Variants in PGAP4 observed in about 807,000 individuals in gnomAD.
PGAP4 encodes the protein post-GPI attachment to proteins GalNAc transferase 4.
Under a neutral mutation model 28.2 loss-of-function variants are expected in PGAP4, and 12 were observed. The observed-to-expected ratio is 0.42, with a 90% CI of 0.27 to 0.69. The LOEUF is 0.69. Among genes scored for constraint, PGAP4 ranks in the 30% least tolerant of loss-of-function variants. The probability of loss-of-function intolerance (pLI) is 0.22; values close to 1 mark genes in which losing one functional copy is unlikely to be tolerated. For missense variants in PGAP4, 425 were observed against 513.5 expected, an observed-to-expected ratio of 0.83 and a Z score of 1.67; for synonymous variants, 205 against 211.8, an observed-to-expected ratio of 0.97 and a Z score of 0.28.
At chr9:101,501,861 T>G (rs1274087593) in intron 2 of PGAP4, 1 of 466,174 alleles carries the variant, frequency 2.1e-6, no homozygotes, top group Non-Finnish European at 4.3e-6. Context: ...GTTCAGATCC[T>G]CTGACTGATG....
upstream of PGAP4, among the ~76,000 whole-genome samples, chr9:101,490,986 G>A (rs903480280): frequency 6.6e-6 from 1 of 152,174 alleles, no homozygotes; most frequent in African/African-American, 2.4e-5. Context: ...TTCTCATGGT[G>A]CTGTCTCACA....
chr9:101,475,815 A>C lies in PGAP4; in HGVS notation c.*66T>G. 6.7e-7 allele frequency: 1 copy of C among 1,500,164 alleles called. No individual in the cohort carries two copies. The highest frequency in any genetic ancestry group is 9.1e-7 in the Non-Finnish European group (1 of 1,100,946). The allele number at this position is 1,500,164 out of a possible 1,614,324, so 92.9% of individuals were successfully genotyped here. ...GAAATACCTGCAGGCAACCATGTCTAAATAAAGAGATAAATATTTGAATCT... is the reference window on the plus strand; with the variant it reads ...GAAATACCTGCAGGCAACCATGTCTCAATAAAGAGATAAATATTTGAATCT... On this transcript the variant is annotated 3_prime_UTR_variant, in exon 2 of 2. Transcript: ENST00000374848.
chr9:101,517,901 T>C (rs1330786597), intron 2 of PGAP4, among the ~76,000 whole-genome samples: 2 of 152,142 alleles, frequency 1.3e-5, no homozygotes, highest in African/African-American at 4.8e-5. Flanking sequence ...AACTTTTATT[T>C]TAGATTCAAG....
rs756728226 is a variant in PGAP4 at position 101,476,789 on chromosome 9, G to C, written c.304C>G (p.Leu102Val). ...TCCACAGTGATGATGGTGATCACCA[G>C]CCAGGGCCGGGGGGTGGCCTGCCAG... is the stretch of plus-strand genomic sequence containing the variant. ...IVWQATPRPW[L>V]VITIITVDRQ... is the part of the protein sequence containing the mutation. The change falls in exon 2 of 2, where the codon CTG becomes GTG. Residue 102 changes from leucine to valine, a missense_variant. Physicochemically the swap from Leu to Val is conservative, Grantham distance 32. Coordinates refer to ENST00000374848, the MANE Select transcript of PGAP4 (RefSeq NM_032342.3). This position sits in a 1 kb window ranked among gnomAD's most constrained non-coding sequence, Gnocchi z 7.0. 5 of 1,612,294 alleles carry C rather than the reference G, an allele frequency of 3.1e-6. No individual in the cohort carries two copies. Among genetic ancestry groups the C allele is most frequent in the Non-Finnish European group, 4.2e-6 (5 of 1,178,898 alleles).
intron 1 of PGAP4, among the ~76,000 whole-genome samples, chr9:101,483,082 T>C (rs563917765): frequency 1.3e-5 from 2 of 152,248 alleles, no homozygotes; most frequent in South Asian, 4.1e-4. Context: ...GCCTTGTTTA[T>C]GGTCCTTGAC....
intron 2 of PGAP4, among the ~76,000 whole-genome samples, chr9:101,509,939 C>T (rs183257040): frequency 2.0e-5 from 3 of 152,266 alleles, no homozygotes; most frequent in Admixed American, 2.0e-4. Flanking sequence ...CGTTCAAAGA[C>T]TTGAATAGTT....
At chr9:101,496,415 G>T (rs1826748603) in intron 2 of PGAP4, among the ~76,000 whole-genome samples, 1 of 151,390 alleles carries the variant, frequency 6.6e-6, no homozygotes, top group Non-Finnish European at 1.5e-5. Flanking sequence ...ATATATTTTA[G>T]AATTAAAAAT....
intron 2 of PGAP4, chr9:101,531,212 A>ACG (rs1554711057): frequency 1.3e-5 from 2 of 151,532 alleles, no homozygotes; most frequent in Non-Finnish European, 2.9e-5. Flanking sequence ...ACACACACAC[A>ACG]CACACACACA....
rs964963937 is a variant in PGAP4 at position 101,473,718 on chromosome 9, G to C, written c.*2163C>G. ...TAAACCAGCAGTGCTTCCCTATCTTGGGCCTGGCTAGCTTAAAGGGGCTCT... is the reference window on the plus strand; with the variant it reads ...TAAACCAGCAGTGCTTCCCTATCTTCGGCCTGGCTAGCTTAAAGGGGCTCT... On this transcript the variant is annotated 3_prime_UTR_variant, in exon 2 of 2. Transcript: ENST00000374848. 1 of 152,238 alleles carries C rather than the reference G, an allele frequency of 6.6e-6. No homozygotes were observed. Among genetic ancestry groups the C allele is most frequent in the African/African-American group, 2.4e-5 (1 of 41,438 alleles). The allele number at this position is 152,238 out of a possible 1,614,324, so 9.4% of individuals were successfully genotyped here. A position where few individuals can be genotyped will look rare whatever the true frequency, so the allele number is the denominator to read the frequency against.
chr9:101,492,106 TAA>T (rs1162174357), upstream of PGAP4, among the ~76,000 whole-genome samples: 10 of 152,104 alleles, frequency 6.6e-5, no homozygotes, highest in Non-Finnish European at 1.5e-5. Flanking sequence ...TTTAGTTGTA[TAA>T]GTTTTTGTTT....
intron 2 of PGAP4, among the ~76,000 whole-genome samples, chr9:101,510,841 C>T (rs760420993): frequency 5.3e-5 from 8 of 152,140 alleles, no homozygotes; most frequent in Non-Finnish European, 8.8e-5. Flanking sequence ...TAAAGCCTGC[C>T]ACCAGATGCA....
chr9:101,483,657 T>C (rs992886750), intron 1 of PGAP4, among the ~76,000 whole-genome samples: 33 of 152,212 alleles, frequency 2.2e-4, no homozygotes, highest in Admixed American at 7.2e-4. Flanking sequence ...ACTATATATA[T>C]GCATTACATA....
intron 1 of PGAP4, among the ~76,000 whole-genome samples, chr9:101,484,229 A>C (rs1214222756): frequency 6.6e-6 from 1 of 152,062 alleles, no homozygotes; most frequent in African/African-American, 2.4e-5. Flanking sequence ...AAAGGGAAGA[A>C]AGGAAGGAAG....
chr9:101,497,565 ATG>A (rs1004946433), intron 2 of PGAP4, among the ~76,000 whole-genome samples: 6 of 151,566 alleles, frequency 4.0e-5, no homozygotes, highest in African/African-American at 1.2e-4. Flanking sequence ...ATAAACATAT[ATG>A]TGTGTGTGTG....
chr9:101,477,924 G>T (rs973340010), intron 1 of PGAP4, among the ~76,000 whole-genome samples: 1 of 152,050 alleles, frequency 6.6e-6, no homozygotes, highest in Non-Finnish European at 1.5e-5. Flanking sequence ...AGGGAGCGGG[G>T]GGGGAAAGGC....
intron 2 of PGAP4, among the ~76,000 whole-genome samples, chr9:101,520,977 A>G (rs550093249): frequency 6.6e-6 from 1 of 152,260 alleles, no homozygotes; most frequent in African/African-American, 2.4e-5. Flanking sequence ...TGAGATGATC[A>G]TGTGATTTTT....
upstream of PGAP4, among the ~76,000 whole-genome samples, chr9:101,488,273 G>T (rs1052623220): frequency 6.6e-6 from 1 of 152,178 alleles, no homozygotes; most frequent in Non-Finnish European, 1.5e-5. Context: ...TCTGAGGCTG[G>T]AAAGTATGAG....
At chr9:101,525,685 G>A (rs539415062) in intron 2 of PGAP4, among the ~76,000 whole-genome samples, 5 of 134,046 alleles carry the variant, frequency 3.7e-5, no homozygotes, top group African/African-American at 1.4e-4. Context: ...TCCAGCCTCG[G>A]CAACAGAGCG....
chr9:101,494,360 T>C (rs1007229956), intron 2 of PGAP4, among the ~76,000 whole-genome samples: 1 of 151,934 alleles, frequency 6.6e-6, no homozygotes, highest in African/African-American at 2.4e-5. Flanking sequence ...AAGTAAATGT[T>C]TTCATCTTTG....
Sources: gnomAD v4.1 joint callset for allele counts (sites outside exome capture counted in the v4.1 genomes callset) on GRCh38, gnomAD v4.1.1 for gene constraint, Gnocchi (gnomAD v3.1) non-coding constraint, MANE v1.5 for transcripts, NCBI Gene and HGNC (gene_info 2026-07-23, HGNC 2026-07-21) for gene names.